Variants in CPNE2 observed in about 807,000 individuals in gnomAD.
CPNE2 encodes copine-2.
A neutral mutation model predicts 69.7 loss-of-function variants in CPNE2; 42 were observed. That is an observed-to-expected ratio of 0.60 (90% CI 0.47 to 0.78). The LOEUF is 0.78. Among genes scored for constraint, CPNE2 ranks in the 30% least tolerant of loss-of-function variants. The pLI, the probability that CPNE2 is intolerant of heterozygous loss-of-function variation, is 0.00. For missense variants in CPNE2, 587 were observed against 732.0 expected (o/e 0.80, Z 2.29); for synonymous variants, 294 against 289.8 (o/e 1.01, Z -0.15).
intron 1 of CPNE2, among the ~76,000 whole-genome samples, chr16:57,099,696 C>T (rs2069600905): frequency 6.6e-6 from 1 of 151,744 alleles, no homozygotes; most frequent in African/African-American, 2.4e-5. Flanking sequence ...ACCCCACCCC[C>T]ATTCAAGTGA....
chr16:57,145,114 C>T (rs1163666380), intron 14 of CPNE2, among the ~76,000 whole-genome samples: 1 of 152,056 alleles, frequency 6.6e-6, no homozygotes, highest in Non-Finnish European at 1.5e-5. Flanking sequence ...TATAAAGAAA[C>T]TCTATATCCC....
intron 7 of CPNE2, 42 bp from the exon 8 acceptor site, chr16:57,121,051 T>G: frequency 6.6e-7 from 1 of 1,516,476 alleles, no homozygotes. Flanking sequence ...AGAGCACCTC[T>G]TGGGGGACAG....
At chr16:57,125,659 G>T (rs2069795296) in intron 10 of CPNE2, 1 of 630,172 alleles carries the variant, frequency 1.6e-6, no homozygotes, top group Non-Finnish European at 2.7e-6. Context: ...TTTATGCTTG[G>T]GCAATAGAGA....
chr16:57,134,376 C>T (rs532609349), intron 12 of CPNE2, among the ~76,000 whole-genome samples: 1 of 152,318 alleles, frequency 6.6e-6, no homozygotes, highest in African/African-American at 2.4e-5. Flanking sequence ...CTCTGAAGCC[C>T]AGAGAAGCGG....
intron 14 of CPNE2, among the ~76,000 whole-genome samples, chr16:57,138,874 T>C (rs541030128): frequency 2.0e-5 from 3 of 152,320 alleles, no homozygotes; most frequent in African/African-American, 4.8e-5. Flanking sequence ...CCTGGTCCCA[T>C]GCCTAAGGGG....
intron 11 of CPNE2, among the ~76,000 whole-genome samples, chr16:57,127,300 G>C (rs1166635998): frequency 6.6e-6 from 1 of 152,202 alleles, no homozygotes; most frequent in Non-Finnish European, 1.5e-5. Flanking sequence ...CAGCATTGAA[G>C]TTGGAATGTG....
intron 13 of CPNE2, among the ~76,000 whole-genome samples, chr16:57,135,215 C>T (rs1404654060): frequency 6.6e-6 from 1 of 152,162 alleles, no homozygotes; most frequent in African/African-American, 2.4e-5. Context: ...CCTGCTTTCA[C>T]CTCCTTCCCA....
chr16:57,093,848 G>T, intron 1 of CPNE2: 1 of 338,076 alleles, frequency 3.0e-6, no homozygotes, highest in South Asian at 2.1e-5. Context: ...ATGGTTTTCA[G>T]GAAACAGGCG....
At chr16:57,103,317 C>T (rs1342237652) in intron 1 of CPNE2, among the ~76,000 whole-genome samples, 4 of 150,736 alleles carry the variant, frequency 2.7e-5, no homozygotes, top group Non-Finnish European at 4.4e-5. Flanking sequence ...GAGACAGGAT[C>T]TCACTGTGTT....
intron 4 of CPNE2, among the ~76,000 whole-genome samples, chr16:57,116,863 G>A (rs2069722890): frequency 2.0e-5 from 3 of 152,130 alleles, no homozygotes; most frequent in South Asian, 4.1e-4. Context: ...AGGCCCCAGC[G>A]AAAGGCCCCA....
At chr16:57,099,335 T>C (rs2069598305) in intron 1 of CPNE2, among the ~76,000 whole-genome samples, 1 of 152,220 alleles carries the variant, frequency 6.6e-6, no homozygotes, top group South Asian at 2.1e-4. Context: ...ACCAGTTATG[T>C]CTCCCTTCTT....
chr16:57,101,736 G>C lies in CPNE2; in HGVS notation c.-36+8946G>C, dbSNP rs189442139. Among the ~76,000 whole-genome samples the C allele has an allele frequency of 6.6e-5, 10 of 152,318 alleles. No individual in the cohort carries two copies. The East Asian group carries it at 1.7e-3, about 26-fold the overall frequency. On this transcript the variant is annotated intron_variant, in intron 1 of 15. Coordinates refer to ENST00000290776, the MANE Select transcript of CPNE2 (RefSeq NM_152727.6). ...CCCCAGCATCAGCTGTAGCTTGTTA[G>C]AAACACAGAATTTTAGGCCCCTCCC...
chr16:57,118,323 G>A (rs1202798918), intron 5 of CPNE2, among the ~76,000 whole-genome samples: 2 of 125,684 alleles, frequency 1.6e-5, no homozygotes, highest in African/African-American at 5.7e-5. Flanking sequence ...CTGCCACCAC[G>A]CCCAGCTAAT....
chr16:57,137,061 C>T (rs1000045987), intron 13 of CPNE2, 88 bp from the exon 14 acceptor site: 1 of 1,534,866 alleles, frequency 6.5e-7, no homozygotes, highest in Non-Finnish European at 8.8e-7. Context: ...TTTGGGTAAG[C>T]ATGAAATAGA....
chr16:57,124,328 C>T (rs944561236), intron 10 of CPNE2: 2 of 448,464 alleles, frequency 4.5e-6, no homozygotes, highest in Non-Finnish European at 9.0e-6. Flanking sequence ...GCGATCTGCC[C>T]ACCTTGGCCT....
intron 7 of CPNE2, 111 bp downstream of exon 7, chr16:57,119,761 G>A (rs1277192471): frequency 3.4e-5 from 23 of 677,946 alleles, no homozygotes; most frequent in South Asian, 1.0e-4. Flanking sequence ...CAAGTGGAAC[G>A]AACCCCCATC....
intron 1 of CPNE2, among the ~76,000 whole-genome samples, chr16:57,107,934 G>C (rs1190200073): frequency 1.4e-5 from 2 of 147,894 alleles, no homozygotes; most frequent in Non-Finnish European, 3.0e-5. Flanking sequence ...GCAGTGGCGC[G>C]ATCTCAGCTC....
intron 3 of CPNE2, among the ~76,000 whole-genome samples, chr16:57,114,681 C>T (rs2069704942): frequency 6.6e-6 from 1 of 152,108 alleles, no homozygotes; most frequent in Non-Finnish European, 1.5e-5. Context: ...CCATGCTGGC[C>T]CCTGAGTGCA....
At chr16:57,122,992 A>G (rs2069774054) in intron 9 of CPNE2, among the ~76,000 whole-genome samples, 1 of 152,110 alleles carries the variant, frequency 6.6e-6, no homozygotes. Flanking sequence ...CTTCTTTGCC[A>G]AAAAGAGACA....
Sources: gnomAD v4.1 joint callset for allele counts (sites outside exome capture counted in the v4.1 genomes callset) on GRCh38, gnomAD v4.1.1 for gene constraint, MANE v1.5 for transcripts, NCBI Gene and HGNC (gene_info 2026-07-23, HGNC 2026-07-21) for gene names.